SLIT1: variants seen among roughly 807,000 people sequenced by gnomAD.
The protein encoded by SLIT1 is slit homolog 1 protein.
SLIT1 carries 66 observed loss-of-function variants against 186.1 expected under a neutral mutation model. The ratio of observed to expected loss-of-function variants is 0.35; its 90% CI spans 0.29 to 0.44. SLIT1 has a LOEUF of 0.44. Ranked by LOEUF, SLIT1 falls within the 20% of genes least tolerant of loss-of-function variation. The probability of loss-of-function intolerance (pLI) is 1.00; values close to 1 mark genes in which losing one functional copy is unlikely to be tolerated. For synonymous variants in SLIT1, 761 were observed against 833.8 expected, an observed-to-expected ratio of 0.91 and a Z score of 1.50; for missense variants, 1,638 against 2,037.4, an observed-to-expected ratio of 0.80 and a Z score of 3.77.
chr10:97,062,680 G>A (rs1050948459), intron 8 of SLIT1, among the ~76,000 whole-genome samples: 2 of 152,226 alleles, frequency 1.3e-5, no homozygotes, highest in Non-Finnish European at 2.9e-5. Context: ...ACCAGGAAGG[G>A]GCAGAGGCAG....
intron 21 of SLIT1, 123 bp from the exon 22 acceptor site, chr10:97,037,889 C>G: frequency 1.5e-6 from 1 of 686,468 alleles, no homozygotes; most frequent in Non-Finnish European, 2.5e-6. Flanking sequence ...ATAGGCCACA[C>G]GATGGGCCCA....
intron 25 of SLIT1, among the ~76,000 whole-genome samples, chr10:97,026,145 T>A (rs755953990): frequency 3.9e-5 from 6 of 152,224 alleles, no homozygotes; most frequent in African/African-American, 1.4e-4. Context: ...CAGTCTACTT[T>A]ATTCTAGGTT....
chr10:97,129,177 G>A (rs1442926289), intron 4 of SLIT1, among the ~76,000 whole-genome samples: 2 of 152,050 alleles, frequency 1.3e-5, no homozygotes, highest in Non-Finnish European at 2.9e-5. Context: ...CTAGGTGGGC[G>A]GATCACGTGA....
chr10:97,147,634 G>A (rs1018683103), intron 4 of SLIT1, among the ~76,000 whole-genome samples: 4 of 149,772 alleles, frequency 2.7e-5, no homozygotes, highest in Non-Finnish European at 3.0e-5. Flanking sequence ...AGAGCTGGGA[G>A]GGGGGGGAAG....
chr10:97,063,425 G>T, intron 8 of SLIT1, 30 bp downstream of exon 8: 1 of 1,610,914 alleles, frequency 6.2e-7, no homozygotes, highest in East Asian at 2.2e-5. Context: ...GCGCCGGACA[G>T]TTGAGAGCCC....
intron 4 of SLIT1, among the ~76,000 whole-genome samples, chr10:97,123,789 G>GAA (rs5787219): frequency 7.5e-4 from 101 of 134,510 alleles, no homozygotes; most frequent in Admixed American, 9.7e-4. Context: ...GACTCTGTCT[G>GAA]AAAAAAAAAA....
chr10:97,098,171 A>C (rs1849311182), intron 4 of SLIT1, among the ~76,000 whole-genome samples: 1 of 152,228 alleles, frequency 6.6e-6, no homozygotes, highest in Non-Finnish European at 1.5e-5. Flanking sequence ...GTGAACGTGC[A>C]CACAGGCATA....
intron 4 of SLIT1, among the ~76,000 whole-genome samples, chr10:97,078,310 C>T (rs1464709362): frequency 6.6e-6 from 1 of 152,052 alleles, no homozygotes; most frequent in Non-Finnish European, 1.5e-5. Flanking sequence ...AGGTGCGCCC[C>T]TTCCCTGCCC....
At chr10:97,140,864 A>G (rs1849750679) in intron 4 of SLIT1, among the ~76,000 whole-genome samples, 1 of 152,184 alleles carries the variant, frequency 6.6e-6, no homozygotes. Context: ...AATGTGGGCC[A>G]GAATCTGGGG....
rs12253202 is a variant in SLIT1 at position 97,017,653 on chromosome 10, C to T, written c.2969+933G>A. On this transcript the variant is annotated intron_variant, in intron 28 of 36. Transcript: ENST00000266058. ...AGTGTGACTCATGAGATGGGGGGACCCCAGAGAAAGCAAACAGGCCTTGGC... is the reference window on the plus strand; with the variant it reads ...AGTGTGACTCATGAGATGGGGGGACTCCAGAGAAAGCAAACAGGCCTTGGC... Among the ~76,000 whole-genome samples the T allele has an allele frequency of 5.9e-3, 900 of 152,200 alleles. 11 individuals carry two copies. Among genetic ancestry groups the T allele is most frequent in the African/African-American group, 0.02 (828 of 41,536 alleles).
chr10:97,086,938 T>C (rs925555700), intron 4 of SLIT1, among the ~76,000 whole-genome samples: 5 of 152,038 alleles, frequency 3.3e-5, no homozygotes, highest in African/African-American at 1.2e-4. Context: ...CATAGATGTA[T>C]TGATTATGAC....
chr10:97,117,637 C>T (rs111365056), intron 4 of SLIT1, among the ~76,000 whole-genome samples: 3,007 of 152,216 alleles, frequency 0.02, 84 homozygotes, highest in African/African-American at 0.063. Flanking sequence ...ATAATCTCTT[C>T]GGTTGCTGAG....
chr10:97,040,266 C>T lies in SLIT1; in HGVS notation c.2165-146G>A, dbSNP rs1848679387. ...CCATCAGTAAGTCTGTGCACTACAC[C>T]TCCCCGCCAGCCACCACCGCCACCA... On this transcript the variant is annotated intron_variant, in intron 20 of 36. Transcript: ENST00000266058. 7.5e-6 allele frequency: 6 copies of T among 795,342 alleles called. No individual in the cohort carries two copies. In the South Asian group the frequency reaches 1.4e-4, roughly 19 times the overall value. 49.3% of individuals were successfully genotyped at this position (795,342 alleles called of 1,614,324 possible). A position where few individuals can be genotyped will look rare whatever the true frequency, so the allele number is the denominator to read the frequency against.
chr10:97,056,470 G>A lies in SLIT1; in HGVS notation c.1158-6C>T, dbSNP rs755703952. ...TCTTGTTGGCATTCAGGAGCCTGTG[G>A]GCAGAGCCAGGACCAAGTGGTGAGG... On this transcript the variant is annotated splice_polypyrimidine_tract_variant and splice_region_variant and intron_variant, in intron 12 of 36. Transcript: ENST00000266058. 12 of 1,613,892 alleles carry A rather than the reference G, an allele frequency of 7.4e-6. No homozygotes were observed. Among genetic ancestry groups the A allele is most frequent in the Middle Eastern group, 1.6e-4 (1 of 6,084 alleles).
intron 13 of SLIT1, among the ~76,000 whole-genome samples, chr10:97,049,796 C>T (rs575194487): frequency 6.6e-6 from 1 of 152,376 alleles, no homozygotes; most frequent in Non-Finnish European, 1.5e-5. Context: ...TGAGCAGCCC[C>T]TTGCTGGGGA....
Position 97,056,458 on chromosome 10 carries a change from C to T in SLIT1, c.1164G>A (p.Leu388=), listed in dbSNP as rs1232831094. Residue 388 remains leucine (L), a synonymous_variant, in exon 13 of 37, where the codon CTG becomes CTA. Coordinates refer to ENST00000266058, the MANE Select transcript of SLIT1 (RefSeq NM_003061.3). ...GGATGCAGTTGATCTTGTTGGCATT[C>T]AGGAGCCTGTGGGCAGAGCCAGGAC... ...GGLYTLQLLL[L]NANKINCIRP... 4 of 1,614,112 alleles carry T rather than the reference C, an allele frequency of 2.5e-6. No homozygotes were observed. In the East Asian group the frequency reaches 6.7e-5, roughly 27 times the overall value.
At chr10:97,034,604 G>C in intron 22 of SLIT1, 62 bp from the exon 23 acceptor site, 2 of 1,444,390 alleles carry the variant, frequency 1.4e-6, no homozygotes, top group African/African-American at 1.4e-5. Context: ...TCACATTCAC[G>C]GGCTTCTTCC....
rs200178110 is a variant in SLIT1, at chr10:97,059,539, G to A, written c.1014-8C>T. 87 of 1,612,504 alleles carry A rather than the reference G, an allele frequency of 5.4e-5. No homozygotes were observed. Among genetic ancestry groups the A allele is most frequent in the Non-Finnish European group, 7.1e-5 (84 of 1,178,992 alleles). ...TGATTGTTGCTCAGGTCTCTGCAAG[G>A]TGAGCAGAAGGAGAGGGGGCATCTG... On this transcript the variant is annotated splice_polypyrimidine_tract_variant and splice_region_variant and intron_variant, in intron 10 of 36. Transcript: ENST00000266058.
At chr10:97,083,068 C>G (rs12254160) in intron 4 of SLIT1, among the ~76,000 whole-genome samples, 26,969 of 151,964 alleles carry the variant, frequency 0.18, 2,559 homozygotes, top group Middle Eastern at 0.23. Context: ...TCTGGGCACA[C>G]CCCCACCATG....
Sources: allele counts gnomAD v4.1 joint callset (sites outside exome capture counted in the v4.1 genomes callset), GRCh38; gene constraint gnomAD v4.1.1; transcripts MANE v1.5; gene names NCBI Gene and HGNC (gene_info 2026-07-23, HGNC 2026-07-21).